The following CYTH1 variants were observed in gnomAD, a reference collection of about 807,000 sequenced individuals.
CYTH1 encodes cytohesin-1.
A neutral mutation model predicts 61.8 loss-of-function variants in CYTH1; 18 were observed. The observed-to-expected ratio is 0.29, with a 90% CI of 0.20 to 0.43. The LOEUF is 0.43. Among genes scored for constraint, CYTH1 ranks in the 20% least tolerant of loss-of-function variants. The pLI, the probability that CYTH1 is intolerant of heterozygous loss-of-function variation, is 1.00. For missense variants in CYTH1, 336 were observed against 510.5 expected (o/e 0.66, Z 3.29); for synonymous variants, 174 against 184.3 (o/e 0.94, Z 0.45).
intron 11 of CYTH1, among the ~76,000 whole-genome samples, chr17:78,686,096 A>G (rs115009969): frequency 1.9e-3 from 283 of 152,202 alleles, no homozygotes; most frequent in African/African-American, 6.5e-3. Context: ...TTCTGCAGAC[A>G]CCAATTACTC....
At chr17:78,701,495 T>G (rs140661108) in intron 6 of CYTH1, among the ~76,000 whole-genome samples, 176 bp downstream of exon 6, 548 of 152,338 alleles carry the variant, frequency 3.6e-3, no homozygotes, top group African/African-American at 0.013. Flanking sequence ...TGAATTCCCC[T>G]TGACCATCCA....
intron 6 of CYTH1, among the ~76,000 whole-genome samples, chr17:78,701,072 T>C (rs966507762): frequency 6.6e-6 from 1 of 152,202 alleles, no homozygotes. Flanking sequence ...ACAAACGCTA[T>C]TTCCGGAAAC....
intron 1 of CYTH1, among the ~76,000 whole-genome samples, chr17:78,763,703 T>A (rs535643897): frequency 6.6e-6 from 1 of 152,200 alleles, no homozygotes; most frequent in Non-Finnish European, 1.5e-5. Context: ...TACTCACATA[T>A]TTTCAAACCA....
intron 1 of CYTH1, among the ~76,000 whole-genome samples, chr17:78,777,427 T>C (rs902099431): frequency 6.6e-6 from 1 of 151,650 alleles, no homozygotes; most frequent in African/African-American, 2.4e-5. Context: ...CAAAAATAAA[T>C]AAATAAAAAT....
At chr17:78,768,782 T>C (rs1224600291) in intron 1 of CYTH1, among the ~76,000 whole-genome samples, 1 of 152,092 alleles carries the variant, frequency 6.6e-6, no homozygotes, top group Non-Finnish European at 1.5e-5. Flanking sequence ...TGCAACAGAA[T>C]GCTCTGCTTC....
At chr17:78,701,615 T>C (rs540284523) in intron 6 of CYTH1, 56 bp downstream of exon 6, 26 of 1,519,428 alleles carry the variant, frequency 1.7e-5, no homozygotes, top group Middle Eastern at 1.7e-4. Context: ...GACAGACTCA[T>C]GATCAAAGGC....
At chr17:78,710,426 A>C (rs1359100365) in intron 1 of CYTH1, among the ~76,000 whole-genome samples, 4 of 152,180 alleles carry the variant, frequency 2.6e-5, no homozygotes, top group Non-Finnish European at 1.5e-5. Flanking sequence ...TCTCACCACA[A>C]AATACTTCTG....
chr17:78,718,230 C>T (rs986273959), intron 1 of CYTH1, among the ~76,000 whole-genome samples: 1 of 148,396 alleles, frequency 6.7e-6, no homozygotes, highest in East Asian at 2.1e-4. Context: ...CACACACACA[C>T]ACACACACAC....
At chr17:78,698,454 T>C in intron 8 of CYTH1, 74 bp from the exon 9 acceptor site, 1 of 1,217,598 alleles carries the variant, frequency 8.2e-7, no homozygotes. Context: ...TCTTCATTCA[T>C]TCCACAAGCA....
At chr17:78,695,720 G>A (rs2092931580) in intron 10 of CYTH1, among the ~76,000 whole-genome samples, 1 of 152,190 alleles carries the variant, frequency 6.6e-6, no homozygotes, top group African/African-American at 2.4e-5. Context: ...AAGTGAAAAT[G>A]TCATGGAAAC....
chr17:78,775,465 C>A (rs1013066619), intron 1 of CYTH1, among the ~76,000 whole-genome samples: 1 of 152,138 alleles, frequency 6.6e-6, no homozygotes, highest in African/African-American at 2.4e-5. Context: ...GAATGTCTTA[C>A]CCCACCACTC....
In CYTH1 at chr17:78,735,010, A is replaced by C. The variant is rs571211005; in HGVS notation, c.23-25278T>G. Among the ~76,000 whole-genome samples, 9 of 152,230 alleles carry C rather than the reference A, an allele frequency of 5.9e-5. No homozygotes were observed. In the South Asian group the frequency reaches 1.9e-3, roughly 32 times the overall value. Reference sequence around the variant, plus strand: ...TAAATGCCACTCTGTCTCTCACGGCAATGTCTAAGGGCATCTATTTTAGCA... The same window carrying C: ...TAAATGCCACTCTGTCTCTCACGGCCATGTCTAAGGGCATCTATTTTAGCA... On this transcript the variant is annotated intron_variant, in intron 1 of 13. Coordinates refer to ENST00000446868, the MANE Select transcript of CYTH1 (RefSeq NM_004762.6).
rs555687493 is a variant in CYTH1 at position 78,675,984 on chromosome 17, C to T, written c.*107G>A. On this transcript the variant is annotated 3_prime_UTR_variant, in exon 14 of 14. Coordinates refer to ENST00000446868, the MANE Select transcript of CYTH1 (RefSeq NM_004762.6). ...GAAGCTAGTCTCTAGGAATCCAGGGCGGGGCCTGGCAGAGGACGCTCTGCT... is the reference window on the plus strand; with the variant it reads ...GAAGCTAGTCTCTAGGAATCCAGGGTGGGGCCTGGCAGAGGACGCTCTGCT... 17 of 1,549,184 alleles carry T rather than the reference C, an allele frequency of 1.1e-5. No individual in the cohort carries two copies. Among genetic ancestry groups the T allele is most frequent in the South Asian group, 6.0e-5 (5 of 83,642 alleles).
rs368000565 is a variant in CYTH1 at position 78,764,812 on chromosome 17, C to T, written c.22+17390G>A. Among the ~76,000 whole-genome samples the T allele has an allele frequency of 7.9e-5, 12 of 152,172 alleles. 4 individuals are homozygous for T. The highest frequency in any genetic ancestry group is 6.5e-5 in the Admixed American group (1 of 15,278). ...TGCCAGGCCCTGTTTCTGGCATGCA[C>T]ATGGGATAGGGGAGAGTAACAAAAG... On this transcript the variant is annotated intron_variant, in intron 1 of 13. Coordinates refer to ENST00000446868, the MANE Select transcript of CYTH1 (RefSeq NM_004762.6).
At chr17:78,759,885 G>C (rs987745071) in intron 1 of CYTH1, among the ~76,000 whole-genome samples, 2 of 152,180 alleles carry the variant, frequency 1.3e-5, no homozygotes, top group South Asian at 2.1e-4. Context: ...ACAGTTAGAG[G>C]TTCTGAAGCG....
intron 1 of CYTH1, among the ~76,000 whole-genome samples, chr17:78,747,575 C>T (rs891183426): frequency 6.6e-6 from 1 of 152,070 alleles, no homozygotes; most frequent in African/African-American, 2.4e-5. Flanking sequence ...ATAGGAGTCA[C>T]CCCCATTCCC....
chr17:78,760,780 C>T (rs2093425767), intron 1 of CYTH1, among the ~76,000 whole-genome samples: 2 of 151,670 alleles, frequency 1.3e-5, no homozygotes. Flanking sequence ...TCAAGTAAGT[C>T]TGATGACATC....
intron 1 of CYTH1, among the ~76,000 whole-genome samples, chr17:78,722,355 G>C (rs1598882184): frequency 6.6e-6 from 1 of 152,176 alleles, no homozygotes; most frequent in East Asian, 1.9e-4. Context: ...CCAGGGACTG[G>C]GCGCAGAGCT....
chr17:78,722,003 C>T (rs183695483), intron 1 of CYTH1, among the ~76,000 whole-genome samples: 40 of 152,060 alleles, frequency 2.6e-4, no homozygotes, highest in African/African-American at 7.0e-4. Context: ...GCCGAGATCG[C>T]GCCATTGCAC....
Sources: gnomAD v4.1 joint callset for allele counts (sites outside exome capture counted in the v4.1 genomes callset) on GRCh38, gnomAD v4.1.1 for gene constraint, MANE v1.5 for transcripts, NCBI Gene and HGNC (gene_info 2026-07-23, HGNC 2026-07-21) for gene names.